Variants in NAV2 observed in about 807,000 individuals in gnomAD.
NAV2 encodes neuron navigator 2.
NAV2 carries 54 observed loss-of-function variants against 223.2 expected under a neutral mutation model. The observed-to-expected ratio is 0.24, with a 90% CI of 0.19 to 0.30. The LOEUF (loss-of-function observed/expected upper bound fraction) is 0.30. Ranked by LOEUF, NAV2 falls within the 10% of genes least tolerant of loss-of-function variation. The probability of loss-of-function intolerance (pLI) is 1.00; values close to 1 mark genes in which losing one functional copy is unlikely to be tolerated. For missense variants in NAV2, 2,806 were observed against 3,147.5 expected (o/e 0.89, Z 2.60); for synonymous variants, 1,279 against 1,239.3 (o/e 1.03, Z -0.67).
chr11:19,707,014 C>G (rs2049685044), intron 1 of NAV2, among the ~76,000 whole-genome samples: 1 of 152,050 alleles, frequency 6.6e-6, no homozygotes, highest in Non-Finnish European at 1.5e-5. Context: ...AGAAAAGGTA[C>G]AGTAAAAATA....
At chr11:19,510,667 G>A (rs981649745) in intron 1 of NAV2, among the ~76,000 whole-genome samples, 1 of 152,242 alleles carries the variant, frequency 6.6e-6, no homozygotes, top group Non-Finnish European at 1.5e-5. Context: ...TCATTGCATG[G>A]TGCCTGTGTA....
rs544373896 is a variant in NAV2 at position 19,960,017 on chromosome 11, T to G, written c.2645+10937T>G. On this transcript the variant is annotated intron_variant, in intron 10 of 37. Coordinates refer to ENST00000349880, the MANE Select transcript of NAV2 (RefSeq NM_145117.5). ...CAGATGTTTAAGGGAAATTCCACCT[T>G]AAGTCCATTAATCAACATGACCGAG... 9.8e-5 allele frequency among the ~76,000 whole-genome samples: 15 copies of G among 152,294 alleles called. 1 individual carries two copies. In the South Asian group the frequency reaches 2.9e-3, roughly 29 times the overall value.
chr11:19,504,271 A>G (rs1490389503), intron 1 of NAV2: 1 of 152,224 alleles, frequency 6.6e-6, no homozygotes, highest in African/African-American at 2.4e-5. Context: ...GTACAAAACT[A>G]AACATACTCC....
At chr11:19,487,259 G>T (rs1185854949) in intron 1 of NAV2, among the ~76,000 whole-genome samples, 1 of 152,164 alleles carries the variant, frequency 6.6e-6, no homozygotes, top group Non-Finnish European at 1.5e-5. Flanking sequence ...TGGATCTGTT[G>T]ATTCAGTGCT....
At chr11:19,776,605 T>TGTGTGTGTGTGTGTGG (rs1555045501) in intron 1 of NAV2, among the ~76,000 whole-genome samples, 1 of 140,764 alleles carries the variant, frequency 7.1e-6, no homozygotes, top group African/African-American at 2.7e-5. Flanking sequence ...TGTGTGTGTG[T>TGTGTGTGTGTGTGTGG]GTGGTTAGAG....
At chr11:19,632,896 G>A (rs1230145930) in intron 1 of NAV2, among the ~76,000 whole-genome samples, 1 of 152,222 alleles carries the variant, frequency 6.6e-6, no homozygotes, top group African/African-American at 2.4e-5. Flanking sequence ...AACCCTTTAA[G>A]AAGATGTTAT....
At chr11:19,507,025 C>T (rs1338361609) in intron 1 of NAV2, 7 of 152,264 alleles carry the variant, frequency 4.6e-5, no homozygotes, top group Middle Eastern at 3.4e-3. Context: ...CAGTATTTGG[C>T]GCCAGAGCTT....
intron 1 of NAV2, among the ~76,000 whole-genome samples, chr11:19,716,844 A>C (rs762919157): frequency 6.6e-6 from 1 of 152,220 alleles, no homozygotes; most frequent in Non-Finnish European, 1.5e-5. Context: ...GAATTGTTCT[A>C]AGGACTTTAC....
intron 1 of NAV2, among the ~76,000 whole-genome samples, chr11:19,675,332 G>C (rs534597989): frequency 1.6e-4 from 25 of 152,070 alleles, no homozygotes; most frequent in Non-Finnish European, 3.4e-4. Context: ...TAAACTCCCA[G>C]TTATTTTTTA....
chr11:20,083,744 T>TTTCCTC (rs1480651063), intron 26 of NAV2, among the ~76,000 whole-genome samples: 61 of 152,228 alleles, frequency 4.0e-4, no homozygotes, highest in Admixed American at 3.9e-3. Flanking sequence ...AGTTTGGTTG[T>TTTCCTC]ATAAACTTCA....
intron 1 of NAV2, among the ~76,000 whole-genome samples, chr11:19,766,974 T>C (rs1035458763): frequency 1.3e-5 from 2 of 152,162 alleles, no homozygotes; most frequent in African/African-American, 2.4e-5. Flanking sequence ...CCCTACACCC[T>C]TGAGTTTTGG....
chr11:20,016,838 CA>C (rs34115097), intron 11 of NAV2, among the ~76,000 whole-genome samples: 2,955 of 145,404 alleles, frequency 0.02, 110 homozygotes, highest in African/African-American at 0.072. Flanking sequence ...TACTAAAATA[CA>C]AAAAAAAAAA....
At chr11:19,455,625 CA>C (rs1218510571) in intron 1 of NAV2, among the ~76,000 whole-genome samples, 1 of 152,038 alleles carries the variant, frequency 6.6e-6, no homozygotes, top group African/African-American at 2.4e-5. Flanking sequence ...TATGAATGGG[CA>C]CTATTATTAT....
chr11:20,024,258 C>T (rs1412487871), intron 11 of NAV2, among the ~76,000 whole-genome samples: 1 of 152,192 alleles, frequency 6.6e-6, no homozygotes, highest in Non-Finnish European at 1.5e-5. Context: ...TAAGAAGCAG[C>T]CCTGCTTTGG....
At chr11:19,345,984 C>T (rs542282493), upstream of NAV2, among the ~76,000 whole-genome samples, 31 of 152,168 alleles carry the variant, frequency 2.0e-4, no homozygotes, top group African/African-American at 7.0e-4. The surrounding 1 kb of genome is among the most constrained non-coding windows in gnomAD (Gnocchi z 5.2). Context: ...GTCTGAATAC[C>T]GCTATTTGTG....
chr11:19,591,252 C>T (rs532429655), intron 1 of NAV2: 5 of 152,294 alleles, frequency 3.3e-5, no homozygotes, highest in East Asian at 1.9e-4. Flanking sequence ...ATCTCTGGAT[C>T]GCATGATCAA....
chr11:20,075,785 C>G (rs557409851), intron 22 of NAV2, among the ~76,000 whole-genome samples: 3 of 151,440 alleles, frequency 2.0e-5, no homozygotes, highest in African/African-American at 2.4e-5. Context: ...CCACCCACCC[C>G]CCATGCTTAT....
intron 1 of NAV2, among the ~76,000 whole-genome samples, chr11:19,387,621 C>T (rs775645123): frequency 1.3e-5 from 2 of 152,092 alleles, no homozygotes; most frequent in African/African-American, 2.4e-5. Flanking sequence ...GTTGCCAGGT[C>T]GCAGGCAGCA....
At chr11:20,070,159 A>G (rs7130777) in intron 22 of NAV2, among the ~76,000 whole-genome samples, 22,462 of 152,168 alleles carry the variant, frequency 0.15, 1,817 homozygotes, top group South Asian at 0.2. Flanking sequence ...GAAAAACAGT[A>G]TTCTATAGAC....
Sources: allele counts gnomAD v4.1 joint callset (sites outside exome capture counted in the v4.1 genomes callset), GRCh38; gene constraint gnomAD v4.1.1; non-coding constraint Gnocchi (gnomAD v3.1); transcripts MANE v1.5; gene names NCBI Gene and HGNC (gene_info 2026-07-23, HGNC 2026-07-21).